GPC5: variants seen among roughly 807,000 people sequenced by gnomAD.
GPC5 encodes glypican-5.
In GPC5, 47 loss-of-function variants were observed where a neutral mutation model predicts 53.9. The ratio of observed to expected loss-of-function variants is 0.87; its 90% CI spans 0.69 to 1.11. GPC5 has a LOEUF of 1.11. Ranked by LOEUF, GPC5 falls within the 50% of genes most tolerant of loss-of-function variation. The pLI, the probability that GPC5 is intolerant of heterozygous loss-of-function variation, is 0.00. For missense variants in GPC5, 748 were observed against 713.1 expected (o/e 1.05, Z -0.56); for synonymous variants, 286 against 263.3 (o/e 1.09, Z -0.84).
chr13:92,388,179 A>G (rs1874825711), intron 7 of GPC5, among the ~76,000 whole-genome samples: 1 of 152,084 alleles, frequency 6.6e-6, no homozygotes, highest in African/African-American at 2.4e-5. Context: ...CTCACATTAA[A>G]GGTTCATACT....
At chr13:92,028,517 G>A (rs996672490) in intron 6 of GPC5, among the ~76,000 whole-genome samples, 1 of 152,078 alleles carries the variant, frequency 6.6e-6, no homozygotes, top group African/African-American at 2.4e-5. Flanking sequence ...AATTCAGTGG[G>A]TTTCCTCTGA....
chr13:91,969,203 A>AT (rs2040217671), intron 6 of GPC5, among the ~76,000 whole-genome samples: 1 of 151,902 alleles, frequency 6.6e-6, no homozygotes, highest in African/African-American at 2.4e-5. Flanking sequence ...TCCTGACCTC[A>AT]TGATCCTCTT....
At chr13:92,092,352 CA>C (rs2041387920) in intron 6 of GPC5, among the ~76,000 whole-genome samples, 1 of 152,110 alleles carries the variant, frequency 6.6e-6, no homozygotes, top group Non-Finnish European at 1.5e-5. Flanking sequence ...TATTTGATAA[CA>C]ATTTAAAATT....
intron 2 of GPC5, among the ~76,000 whole-genome samples, chr13:91,453,458 T>C (rs1015594326): frequency 1.3e-5 from 2 of 152,166 alleles, no homozygotes; most frequent in Admixed American, 6.6e-5. Context: ...TTTATATAAA[T>C]GTTACAATAT....
chr13:91,995,390 T>C (rs913961854), intron 6 of GPC5: 1 of 152,224 alleles, frequency 6.6e-6, no homozygotes, highest in African/African-American at 2.4e-5. Flanking sequence ...GAGATTGTTC[T>C]TCTAGACCAA....
At chr13:92,030,174 C>G (rs2040829809) in intron 6 of GPC5, among the ~76,000 whole-genome samples, 1 of 152,030 alleles carries the variant, frequency 6.6e-6, no homozygotes, top group South Asian at 2.1e-4. Context: ...TTTGAAAAAC[C>G]TCACTAGTAC....
intron 5 of GPC5, among the ~76,000 whole-genome samples, chr13:91,757,678 C>T (rs2037324799): frequency 6.6e-6 from 1 of 152,112 alleles, no homozygotes; most frequent in Non-Finnish European, 1.5e-5. Context: ...CCTGAGGCCT[C>T]TCTAGCCATG....
At chr13:92,274,730 T>C (rs1233055799) in intron 7 of GPC5, among the ~76,000 whole-genome samples, 4 of 152,146 alleles carry the variant, frequency 2.6e-5, no homozygotes, top group Non-Finnish European at 5.9e-5. Flanking sequence ...GGCCGCTTGC[T>C]TCATCAAAGC....
chr13:92,768,865 G>A (rs1257242419), intron 7 of GPC5, among the ~76,000 whole-genome samples: 1 of 151,740 alleles, frequency 6.6e-6, no homozygotes. Flanking sequence ...GATGGCATCA[G>A]GCAAGTCATC....
chr13:92,043,546 C>T (rs2040958266), intron 6 of GPC5, among the ~76,000 whole-genome samples: 1 of 152,192 alleles, frequency 6.6e-6, no homozygotes, highest in African/African-American at 2.4e-5. Flanking sequence ...TGGAAGTCTT[C>T]ATGTGCCACG....
At chr13:91,648,892 A>G (rs2034627440) in intron 2 of GPC5, among the ~76,000 whole-genome samples, 1 of 151,996 alleles carries the variant, frequency 6.6e-6, no homozygotes, top group South Asian at 2.1e-4. Flanking sequence ...AAGAGTGTGG[A>G]CTCTGAATAT....
intron 2 of GPC5, among the ~76,000 whole-genome samples, chr13:91,628,685 C>A (rs971368483): frequency 2.0e-5 from 3 of 152,104 alleles, no homozygotes; most frequent in Admixed American, 2.0e-4. Context: ...AGCTGAATTT[C>A]TCTGTCTCAG....
At chr13:92,272,044 C>T (rs1283997461) in intron 7 of GPC5, among the ~76,000 whole-genome samples, 2 of 152,152 alleles carry the variant, frequency 1.3e-5, no homozygotes, top group African/African-American at 4.8e-5. Context: ...CCTTTCCATT[C>T]TGATTGTCAC....
At chr13:92,153,694 T>G (rs891900937) in intron 7 of GPC5, among the ~76,000 whole-genome samples, 4 of 152,226 alleles carry the variant, frequency 2.6e-5, no homozygotes, top group African/African-American at 9.6e-5. Context: ...GAGCCTGCTT[T>G]GCAAAGCAAT....
chr13:91,608,582 G>T (rs558822204), intron 2 of GPC5, among the ~76,000 whole-genome samples: 1 of 152,162 alleles, frequency 6.6e-6, no homozygotes, highest in Non-Finnish European at 1.5e-5. Flanking sequence ...CAGCAGATAG[G>T]CATGTTATGT....
chr13:92,583,888 T>C (rs573796337), intron 7 of GPC5, among the ~76,000 whole-genome samples: 1 of 152,258 alleles, frequency 6.6e-6, no homozygotes, highest in South Asian at 2.1e-4. Flanking sequence ...ATGGTCATTA[T>C]AAGGGGGAGT....
chr13:92,456,532 T>G (rs1247078306), intron 7 of GPC5, among the ~76,000 whole-genome samples: 1 of 152,164 alleles, frequency 6.6e-6, no homozygotes, highest in East Asian at 1.9e-4. Context: ...ATGAGGCCAG[T>G]GCAAAATGAA....
chr13:92,695,068 G>GT (rs1301824625), intron 7 of GPC5, among the ~76,000 whole-genome samples: 7 of 152,254 alleles, frequency 4.6e-5, no homozygotes, highest in African/African-American at 1.7e-4. Flanking sequence ...CTGCCATAAT[G>GT]TAAGTCTCAT....
At chr13:91,771,469 A>G (rs2100074987) in intron 5 of GPC5, among the ~76,000 whole-genome samples, 1 of 152,222 alleles carries the variant, frequency 6.6e-6, no homozygotes. Context: ...AAAGAGCATG[A>G]ATTGCACATA....
Sources: allele counts gnomAD v4.1 joint callset (sites outside exome capture counted in the v4.1 genomes callset), GRCh38; gene constraint gnomAD v4.1.1; transcripts MANE v1.5; gene names NCBI Gene and HGNC (gene_info 2026-07-23, HGNC 2026-07-21).